The following PDE7B variants were observed in gnomAD, a reference collection of about 807,000 sequenced individuals.
PDE7B encodes 3',5'-cyclic-AMP phosphodiesterase 7B.
Under a neutral mutation model 56.2 loss-of-function variants are expected in PDE7B, and 29 were observed. The observed-to-expected ratio is 0.52, with a 90% CI of 0.38 to 0.70. PDE7B has a LOEUF of 0.70. Ranked by LOEUF, PDE7B falls within the 30% of genes least tolerant of loss-of-function variation. The probability of loss-of-function intolerance (pLI) is 0.00; values close to 1 mark genes in which losing one functional copy is unlikely to be tolerated. For missense variants in PDE7B, 490 were observed against 565.0 expected (o/e 0.87, Z 1.35); for synonymous variants, 197 against 196.9 (o/e 1.00, Z 0.00).
chr6:135,918,590 C>T (rs1562439267), intron 1 of PDE7B, among the ~76,000 whole-genome samples: 1 of 151,830 alleles, frequency 6.6e-6, no homozygotes. Flanking sequence ...CAGCGTATCC[C>T]CTCCTGTAAG....
chr6:136,110,163 A>G (rs1777718347), intron 3 of PDE7B, among the ~76,000 whole-genome samples: 1 of 152,016 alleles, frequency 6.6e-6, no homozygotes. Flanking sequence ...AATTCTTTCC[A>G]CACTAGAGAT....
At chr6:136,171,743 C>T (rs1210126052) in intron 8 of PDE7B, among the ~76,000 whole-genome samples, 4 of 150,722 alleles carry the variant, frequency 2.7e-5, no homozygotes, top group Non-Finnish European at 5.9e-5. Context: ...CCCATTAACT[C>T]GTCACTTAGC....
intron 2 of PDE7B, among the ~76,000 whole-genome samples, chr6:136,058,877 G>A (rs1776785882): frequency 6.6e-6 from 1 of 152,048 alleles, no homozygotes; most frequent in African/African-American, 2.4e-5. Flanking sequence ...CACTGATTTG[G>A]GGGGAAAAAA....
intron 2 of PDE7B, among the ~76,000 whole-genome samples, chr6:136,077,218 A>G (rs1162960373): frequency 6.6e-6 from 1 of 152,180 alleles, no homozygotes; most frequent in African/African-American, 2.4e-5. Context: ...TATAAGCAGA[A>G]TAGTCCTGAG....
intron 12 of PDE7B, among the ~76,000 whole-genome samples, chr6:136,191,408 C>T (rs1227097608): frequency 3.9e-5 from 6 of 152,294 alleles, no homozygotes; most frequent in African/African-American, 1.4e-4. Context: ...GGCTCAGGCC[C>T]GTAATCCCAG....
chr6:135,986,685 G>A (rs905671992), intron 2 of PDE7B, among the ~76,000 whole-genome samples: 5 of 152,158 alleles, frequency 3.3e-5, no homozygotes, highest in African/African-American at 9.7e-5. Context: ...TTCTTCATAC[G>A]TTTTCTGAAT....
intron 3 of PDE7B, among the ~76,000 whole-genome samples, chr6:136,141,039 G>C (rs570793057): frequency 6.6e-6 from 1 of 152,110 alleles, no homozygotes; most frequent in Non-Finnish European, 1.5e-5. Flanking sequence ...TCCCTGTATT[G>C]TGCCAGTTTT....
chr6:135,910,008 T>G (rs796448421), intron 1 of PDE7B, among the ~76,000 whole-genome samples: 14 of 152,346 alleles, frequency 9.2e-5, no homozygotes, highest in African/African-American at 3.1e-4. Context: ...TCCTGTTGCT[T>G]GCTACCTAAA....
chr6:136,124,322 G>A (rs918715079), intron 3 of PDE7B, among the ~76,000 whole-genome samples: 1 of 151,988 alleles, frequency 6.6e-6, no homozygotes, highest in African/African-American at 2.4e-5. Context: ...GAAGAAAAAT[G>A]ACAGCAATAA....
intron 1 of PDE7B, among the ~76,000 whole-genome samples, chr6:135,940,273 A>G (rs1277101020): frequency 6.6e-6 from 1 of 152,160 alleles, no homozygotes; most frequent in Non-Finnish European, 1.5e-5. Flanking sequence ...GCCTGCGGTC[A>G]TGTCTTTCAA....
intron 11 of PDE7B, among the ~76,000 whole-genome samples, chr6:136,181,568 G>C (rs1779067928): frequency 1.3e-5 from 2 of 152,180 alleles, no homozygotes; most frequent in African/African-American, 4.8e-5. Context: ...ATAAAAATGA[G>C]CAAAAGTGGG....
At chr6:136,072,379 G>A (rs1162587981) in intron 2 of PDE7B, among the ~76,000 whole-genome samples, 2 of 152,118 alleles carry the variant, frequency 1.3e-5, no homozygotes, top group Non-Finnish European at 2.9e-5. Flanking sequence ...AAGTAGAGAT[G>A]AGTTCTTGCT....
chr6:135,926,056 T>C (rs1220070588), intron 1 of PDE7B, among the ~76,000 whole-genome samples: 1 of 134,832 alleles, frequency 7.4e-6, no homozygotes, highest in Non-Finnish European at 1.5e-5. Flanking sequence ...GCCTGAATAA[T>C]GAGGCATGCT....
At chr6:136,031,705 C>T (rs896519994) in intron 2 of PDE7B, among the ~76,000 whole-genome samples, 2 of 143,110 alleles carry the variant, frequency 1.4e-5, no homozygotes, top group Non-Finnish European at 3.0e-5. Context: ...CGCCACTGCA[C>T]TCCAGCCTGG....
chr6:135,885,095 G>C (rs996830531), intron 1 of PDE7B, among the ~76,000 whole-genome samples: 3 of 151,918 alleles, frequency 2.0e-5, no homozygotes, highest in Non-Finnish European at 4.4e-5. Context: ...CACTCTCCTG[G>C]TTTTCTAGTT....
chr6:135,860,646 C>T (rs1315010297), intron 1 of PDE7B, among the ~76,000 whole-genome samples: 1 of 151,922 alleles, frequency 6.6e-6, no homozygotes, highest in Non-Finnish European at 1.5e-5. Context: ...CTAATATCTG[C>T]TTCTTGAGAG....
chr6:135,917,506 T>A (rs1400182162), intron 1 of PDE7B, among the ~76,000 whole-genome samples: 1 of 152,196 alleles, frequency 6.6e-6, no homozygotes, highest in African/African-American at 2.4e-5. Flanking sequence ...ATTATATTTC[T>A]TTGGAATCCT....
intron 8 of PDE7B, among the ~76,000 whole-genome samples, chr6:136,161,157 C>T (rs1778696810): frequency 1.3e-5 from 2 of 152,086 alleles, no homozygotes; most frequent in Admixed American, 1.3e-4. Context: ...CTTACTTGCT[C>T]ATCCTTTTGA....
At chr6:135,911,147 A>G (rs929412168) in intron 1 of PDE7B, among the ~76,000 whole-genome samples, 12 of 152,234 alleles carry the variant, frequency 7.9e-5, no homozygotes, top group African/African-American at 2.4e-4. Context: ...CTCATTAAAC[A>G]TAGTCTTTAT....
Sources: gnomAD v4.1 joint callset for allele counts (sites outside exome capture counted in the v4.1 genomes callset) on GRCh38, gnomAD v4.1.1 for gene constraint, MANE v1.5 for transcripts, NCBI Gene and HGNC (gene_info 2026-07-23, HGNC 2026-07-21) for gene names.